Variants in ATF7IP2 observed in about 807,000 individuals in gnomAD.
The protein encoded by ATF7IP2 is activating transcription factor 7 interacting protein 2.
A neutral mutation model predicts 64.2 loss-of-function variants in ATF7IP2; 42 were observed. The ratio of observed to expected loss-of-function variants is 0.65; its 90% CI spans 0.51 to 0.85. The LOEUF is 0.85. ATF7IP2 is among the 40% of genes least tolerant of loss of function. The pLI is 0.00. For synonymous variants in ATF7IP2, 308 were observed against 272.8 expected, an observed-to-expected ratio of 1.13 and a Z score of -1.27; for missense variants, 933 against 784.2, an observed-to-expected ratio of 1.19 and a Z score of -2.27.
rs558098775 is a variant in ATF7IP2 at position 10,480,780 on chromosome 16, C to G, written c.1550-99C>G. On this transcript the variant is annotated intron_variant, in intron 12 of 13. Transcript: ENST00000562102. ...AATTCACAGTTTTATAATTTTAATT[C>G]ACATTTAATTACCACCAAAGATGTA... The G allele has an allele frequency of 2.7e-4, 221 of 814,180 alleles. 1 individual carries two copies. Among genetic ancestry groups the G allele is most frequent in the Middle Eastern group, 1.9e-3 (8 of 4,324 alleles). The allele number at this position is 814,180 out of a possible 1,614,324, so 50.4% of individuals were successfully genotyped here.
chr16:10,407,581 T>G (rs1304253814), intron 1 of ATF7IP2, among the ~76,000 whole-genome samples: 41 of 152,224 alleles, frequency 2.7e-4, no homozygotes, highest in Admixed American at 2.7e-3. Context: ...ATGCTAACAG[T>G]GAATGATATG....
intron 13 of ATF7IP2, 75 bp from the exon 14 acceptor site, chr16:10,481,761 G>A: frequency 4.0e-6 from 5 of 1,241,310 alleles, no homozygotes; most frequent in Non-Finnish European, 5.6e-6. Context: ...ATGGATTGAA[G>A]AATGAGAAAT....
chr16:10,436,452 A>G (rs1418579755), intron 6 of ATF7IP2, among the ~76,000 whole-genome samples: 1 of 152,136 alleles, frequency 6.6e-6, no homozygotes, highest in Non-Finnish European at 1.5e-5. Flanking sequence ...AAAAGTTATG[A>G]AAGTAAAAAT....
At chr16:10,432,859 C>G (rs1204840496) in intron 5 of ATF7IP2, among the ~76,000 whole-genome samples, 1 of 149,646 alleles carries the variant, frequency 6.7e-6, no homozygotes, top group African/African-American at 2.5e-5. Flanking sequence ...GCCTGGGCGA[C>G]AAGAGTGAGA....
chr16:10,422,457 C>T (rs2048004800), intron 3 of ATF7IP2, among the ~76,000 whole-genome samples: 1 of 152,148 alleles, frequency 6.6e-6, no homozygotes, highest in South Asian at 2.1e-4. Flanking sequence ...TGTAATAAAT[C>T]TCTCCCCCAT....
intron 1 of ATF7IP2, among the ~76,000 whole-genome samples, chr16:10,407,324 A>G (rs1028387021): frequency 2.6e-5 from 4 of 152,212 alleles, no homozygotes; most frequent in African/African-American, 9.7e-5. Flanking sequence ...AAGATCTGGA[A>G]CACAACAAGG....
At chr16:10,447,510 CT>C (rs1461599688) in intron 8 of ATF7IP2, 1 of 152,186 alleles carries the variant, frequency 6.6e-6, no homozygotes, top group Non-Finnish European at 1.5e-5. Flanking sequence ...AAATTTACTT[CT>C]GCAGAAGGGT....
At chr16:10,472,719 G>A (rs1567175579) in intron 10 of ATF7IP2, among the ~76,000 whole-genome samples, 1 of 152,038 alleles carries the variant, frequency 6.6e-6, no homozygotes, top group Non-Finnish European at 1.5e-5. Context: ...AGCCAGGCAT[G>A]GTGGCAGGTG....
chr16:10,472,910 C>G (rs887664532), intron 10 of ATF7IP2, among the ~76,000 whole-genome samples: 4 of 151,544 alleles, frequency 2.6e-5, no homozygotes, highest in Non-Finnish European at 5.9e-5. Flanking sequence ...ACTTTTCTCT[C>G]TCTCAAAAAT....
chr16:10,402,169 A>G (rs977687170), intron 1 of ATF7IP2, among the ~76,000 whole-genome samples: 1 of 152,062 alleles, frequency 6.6e-6, no homozygotes, highest in African/African-American at 2.4e-5. Flanking sequence ...TTGAGGTACA[A>G]TGTAAGATTT....
chr16:10,474,502 A>C (rs1293946496), intron 12 of ATF7IP2, among the ~76,000 whole-genome samples: 1 of 152,212 alleles, frequency 6.6e-6, no homozygotes, highest in African/African-American at 2.4e-5. Context: ...ATAGCAGCTA[A>C]GAGGACGCAC....
At chr16:10,435,613 G>A (rs2048395464) in intron 6 of ATF7IP2, among the ~76,000 whole-genome samples, 1 of 152,138 alleles carries the variant, frequency 6.6e-6, no homozygotes, top group Admixed American at 6.5e-5. Context: ...CCCCATGGTG[G>A]GTACTTAGTC....
chr16:10,458,632 G>A (rs1287974657), intron 9 of ATF7IP2, among the ~76,000 whole-genome samples: 7 of 152,062 alleles, frequency 4.6e-5, no homozygotes, highest in Admixed American at 3.9e-4. Flanking sequence ...AAATATTTAA[G>A]CAAGAAATAA....
At chr16:10,394,902 A>G (rs2047394303) in intron 1 of ATF7IP2, among the ~76,000 whole-genome samples, 1 of 152,098 alleles carries the variant, frequency 6.6e-6, no homozygotes. Flanking sequence ...AAAAGACCTC[A>G]AATCAGTAAC....
intron 12 of ATF7IP2, among the ~76,000 whole-genome samples, chr16:10,476,446 C>A (rs986682122): frequency 2.0e-5 from 3 of 151,910 alleles, no homozygotes; most frequent in African/African-American, 7.3e-5. Context: ...CAATATAAAC[C>A]CCCTTTTCTT....
Position 10,480,976 on chromosome 16 carries a change from A to G in ATF7IP2, c.1635+12A>G. 6.4e-7 allele frequency: 1 copy of G among 1,561,822 alleles called. No homozygotes were observed. The highest frequency in any genetic ancestry group is 8.8e-7 in the Non-Finnish European group (1 of 1,132,766). ...AAAATGCAGTCCAGGTACTGAATCAAAGTGCTCTGTAAGGGATATTTATTC... is the reference window on the plus strand; with the variant it reads ...AAAATGCAGTCCAGGTACTGAATCAGAGTGCTCTGTAAGGGATATTTATTC... On this transcript the variant is annotated intron_variant, in intron 13 of 13. Coordinates refer to ENST00000562102, the MANE Select transcript of ATF7IP2 (RefSeq NM_001393719.1).
chr16:10,460,182 T>A (rs941213105), intron 9 of ATF7IP2, among the ~76,000 whole-genome samples: 1 of 152,124 alleles, frequency 6.6e-6, no homozygotes, highest in Non-Finnish European at 1.5e-5. Flanking sequence ...AACACCATTA[T>A]AGAAGCCCCA....
chr16:10,452,039 C>T, intron 8 of ATF7IP2, among the ~76,000 whole-genome samples: 1 of 151,598 alleles, frequency 6.6e-6, no homozygotes, highest in Non-Finnish European at 1.5e-5. Context: ...GCGACAAGAG[C>T]AAAACTCCGT....
At chr16:10,407,193 C>A (rs1333766516) in intron 1 of ATF7IP2, among the ~76,000 whole-genome samples, 1 of 151,988 alleles carries the variant, frequency 6.6e-6, no homozygotes, top group Non-Finnish European at 1.5e-5. Flanking sequence ...TGATAAAAAC[C>A]CTCAAGAAAC....
Sources: allele counts gnomAD v4.1 joint callset (sites outside exome capture counted in the v4.1 genomes callset), GRCh38; gene constraint gnomAD v4.1.1; transcripts MANE v1.5; gene names NCBI Gene and HGNC (gene_info 2026-07-23, HGNC 2026-07-21).